Variants in LRFN2 observed in about 807,000 individuals in gnomAD.
The protein encoded by LRFN2 is leucine-rich repeat and fibronectin type-III domain-containing protein 2.
Under a neutral mutation model 37.3 loss-of-function variants are expected in LRFN2, and 18 were observed. That is an observed-to-expected ratio of 0.48 (90% CI 0.33 to 0.72). The LOEUF (loss-of-function observed/expected upper bound fraction) is 0.72, where lower values mean the gene tolerates loss of function less well. Among genes scored for constraint, LRFN2 ranks in the 30% least tolerant of loss-of-function variants. The probability of loss-of-function intolerance (pLI) is 0.02; values close to 1 mark genes in which losing one functional copy is unlikely to be tolerated. For synonymous variants in LRFN2, 556 were observed against 466.6 expected (o/e 1.19, Z -2.47); for missense variants, 1,006 against 1,060.7 (o/e 0.95, Z 0.72).
At chr6:40,539,375 G>A (rs1241343061) in intron 1 of LRFN2, among the ~76,000 whole-genome samples, 5 of 152,306 alleles carry the variant, frequency 3.3e-5, no homozygotes, top group Admixed American at 2.0e-4. Context: ...AGGGTTCAGC[G>A]TAAGCCAATA....
At chr6:40,578,660 C>T (rs1767337772) in intron 1 of LRFN2, among the ~76,000 whole-genome samples, 1 of 152,090 alleles carries the variant, frequency 6.6e-6, no homozygotes, top group Admixed American at 6.5e-5. Context: ...AGAAAAATAC[C>T]ACTATTTCTA....
chr6:40,577,033 T>C (rs1248332535), intron 1 of LRFN2, among the ~76,000 whole-genome samples: 1 of 151,366 alleles, frequency 6.6e-6, no homozygotes, highest in Non-Finnish European at 1.5e-5. Context: ...TGGTTCTCCC[T>C]ACTGGAGGTC....
At chr6:40,419,967 C>T (rs142376935) in intron 2 of LRFN2, among the ~76,000 whole-genome samples, 7 of 152,304 alleles carry the variant, frequency 4.6e-5, no homozygotes, top group Non-Finnish European at 1.0e-4. Flanking sequence ...TGACTAATGA[C>T]CTAGTGCAAA....
At chr6:40,421,759 G>A (rs576906538) in intron 2 of LRFN2, among the ~76,000 whole-genome samples, 1 of 152,160 alleles carries the variant, frequency 6.6e-6, no homozygotes, top group African/African-American at 2.4e-5. Flanking sequence ...TTGACTGAAT[G>A]GAGGGGTTCA....
intron 1 of LRFN2, among the ~76,000 whole-genome samples, chr6:40,557,173 ACT>A (rs1211508289): frequency 6.6e-6 from 1 of 151,624 alleles, no homozygotes; most frequent in East Asian, 1.9e-4. Context: ...GTGCCTCCTC[ACT>A]CACCCGAGGC....
chr6:40,525,674 C>G (rs1041827415), intron 1 of LRFN2, among the ~76,000 whole-genome samples: 1 of 152,100 alleles, frequency 6.6e-6, no homozygotes, highest in African/African-American at 2.4e-5. Context: ...TCCTGTGGTG[C>G]CTCCTTCCTC....
chr6:40,432,873 G>A lies in LRFN2; in HGVS notation c.241C>T (p.Leu81=). The change falls in exon 2 of 3, where the codon CTG becomes TTG. Residue 81 remains leucine (L), a synonymous_variant. Transcript: ENST00000338305. ...DFANMTGLVD[L]TLSRNTISHI... ...CTGATGGTGTTCCTGGACAGGGTCAGGTCCACCAGCCCCGTCATGTTGGCA... is the reference window on the plus strand; with the variant it reads ...CTGATGGTGTTCCTGGACAGGGTCAAGTCCACCAGCCCCGTCATGTTGGCA... 4 of 1,614,258 alleles carry A rather than the reference G, an allele frequency of 2.5e-6. No individual in the cohort carries two copies. The South Asian group carries it at 3.3e-5, about 13-fold the overall frequency.
chr6:40,447,189 T>C (rs1384202091), intron 1 of LRFN2, among the ~76,000 whole-genome samples: 1 of 152,232 alleles, frequency 6.6e-6, no homozygotes, highest in African/African-American at 2.4e-5. Context: ...CATTATCCTA[T>C]TAGTTTTCCA....
chr6:40,473,637 T>C (rs1764650483), intron 1 of LRFN2, among the ~76,000 whole-genome samples: 2 of 152,218 alleles, frequency 1.3e-5, no homozygotes, highest in Non-Finnish European at 2.9e-5. Context: ...TACATAGGTA[T>C]ACATGTGCCA....
At chr6:40,473,567 C>CT (rs1764648241) in intron 1 of LRFN2, among the ~76,000 whole-genome samples, 1 of 152,214 alleles carries the variant, frequency 6.6e-6, no homozygotes, top group Non-Finnish European at 1.5e-5. Flanking sequence ...TTACTATTAT[C>CT]ATCCCTGTTT....
intron 1 of LRFN2, among the ~76,000 whole-genome samples, chr6:40,558,908 T>C (rs889571179): frequency 6.6e-6 from 1 of 152,160 alleles, no homozygotes; most frequent in African/African-American, 2.4e-5. Context: ...CGTGACACTG[T>C]GCAGAGGATG....
chr6:40,546,713 T>C (rs1766669965), intron 1 of LRFN2, among the ~76,000 whole-genome samples: 1 of 152,230 alleles, frequency 6.6e-6, no homozygotes, highest in Non-Finnish European at 1.5e-5. Flanking sequence ...TTCCAGGAAC[T>C]GTTCTCAGTG....
At chr6:40,583,093 G>A (rs1411960337) in intron 1 of LRFN2, among the ~76,000 whole-genome samples, 9 of 152,004 alleles carry the variant, frequency 5.9e-5, no homozygotes, top group African/African-American at 2.2e-4. Flanking sequence ...GGACAATATC[G>A]CCCCCAAGGG....
chr6:40,468,420 G>T (rs566749698), intron 1 of LRFN2, among the ~76,000 whole-genome samples: 14 of 152,114 alleles, frequency 9.2e-5, no homozygotes, highest in Non-Finnish European at 2.1e-4. Flanking sequence ...GAAAGCAAAG[G>T]AATCAGTGAG....
At chr6:40,429,645 A>C (rs1017191936) in intron 2 of LRFN2, among the ~76,000 whole-genome samples, 6 of 152,226 alleles carry the variant, frequency 3.9e-5, no homozygotes, top group African/African-American at 1.4e-4. Flanking sequence ...GTAATGTATA[A>C]AGATTATAAT....
Position 40,392,075 on chromosome 6 carries a change from C to T in LRFN2, c.2238G>A (p.Arg746=), listed in dbSNP as rs772781732. ...GCTTCGTCCAGATGTTCGAGACCTT[C>T]CGAGGAGGACTGTAGCCGCCCGGCA... ...GVVPGGYSPP[R]KVSNIWTKRS... Residue 746 remains arginine, a synonymous_variant, in exon 3 of 3, where the codon CGG becomes CGA. Coordinates refer to ENST00000338305, the MANE Select transcript of LRFN2 (RefSeq NM_020737.3). This position sits in a 1 kb window ranked among gnomAD's most constrained non-coding sequence, Gnocchi z 4.7. The T allele has an allele frequency of 2.5e-6, 4 of 1,614,070 alleles. No homozygotes were observed. Among genetic ancestry groups the T allele is most frequent in the Non-Finnish European group, 3.4e-6 (4 of 1,180,008 alleles).
intron 2 of LRFN2, among the ~76,000 whole-genome samples, chr6:40,410,337 C>T (rs892330218): frequency 9.9e-5 from 15 of 151,784 alleles, no homozygotes; most frequent in African/African-American, 3.2e-4. Flanking sequence ...GATGGGAGCA[C>T]GGGGGAGGCA....
chr6:40,561,822 G>A (rs977878165), intron 1 of LRFN2, among the ~76,000 whole-genome samples: 4 of 152,094 alleles, frequency 2.6e-5, no homozygotes, highest in Non-Finnish European at 5.9e-5. Flanking sequence ...CTGGAGAGGC[G>A]GGTAGAATAC....
At chr6:40,468,698 G>C (rs1234374850) in intron 1 of LRFN2, among the ~76,000 whole-genome samples, 1 of 152,180 alleles carries the variant, frequency 6.6e-6, no homozygotes, top group Non-Finnish European at 1.5e-5. Context: ...GAGCATGGGG[G>C]CTTATCCATG....
Sources: allele counts gnomAD v4.1 joint callset (sites outside exome capture counted in the v4.1 genomes callset), GRCh38; gene constraint gnomAD v4.1.1; non-coding constraint Gnocchi (gnomAD v3.1); transcripts MANE v1.5; gene names NCBI Gene and HGNC (gene_info 2026-07-23, HGNC 2026-07-21).